Variants in CLEC16A observed in about 807,000 individuals in gnomAD.
CLEC16A encodes the protein C-type lectin domain containing 16A, also known as protein CLEC16A.
CLEC16A carries 51 observed loss-of-function variants against 109.5 expected under a neutral mutation model. The ratio of observed to expected loss-of-function variants is 0.47; its 90% CI spans 0.37 to 0.59. The LOEUF is 0.59. Ranked by LOEUF, CLEC16A falls within the 20% of genes least tolerant of loss-of-function variation. The probability of loss-of-function intolerance (pLI) is 0.00; values close to 1 mark genes in which losing one functional copy is unlikely to be tolerated. For missense variants in CLEC16A, 1,339 were observed against 1,394.0 expected, an observed-to-expected ratio of 0.96 and a Z score of 0.63; for synonymous variants, 673 against 564.2, an observed-to-expected ratio of 1.19 and a Z score of -2.73.
intron 19 of CLEC16A, among the ~76,000 whole-genome samples, chr16:11,062,766 G>T (rs1284855744): frequency 7.9e-5 from 12 of 152,026 alleles, no homozygotes; most frequent in Non-Finnish European, 1.5e-4. Context: ...AACTCCTTTG[G>T]CCCTTTTGCC....
chr16:11,059,648 C>A (rs534739798), intron 18 of CLEC16A, among the ~76,000 whole-genome samples: 92 of 152,258 alleles, frequency 6.0e-4, no homozygotes, highest in African/African-American at 2.2e-3. Flanking sequence ...CAGACTGCAG[C>A]CTTCAGAGCC....
intron 19 of CLEC16A, among the ~76,000 whole-genome samples, chr16:11,067,151 TG>T (rs1260150396): frequency 7.5e-6 from 1 of 133,966 alleles, no homozygotes; most frequent in Non-Finnish European, 1.6e-5. Flanking sequence ...GTTGTTGTTG[TG>T]GGGGTTTTTT....
rs559226349 is a variant in CLEC16A, at chr16:11,062,444, C to T, written c.2116+1422C>T. ...GACAGGACCCCCACAGCCTCCGTTTCGTCTCCTGTAAAACGAGATGGTCTT... is the reference window on the plus strand; with the variant it reads ...GACAGGACCCCCACAGCCTCCGTTTTGTCTCCTGTAAAACGAGATGGTCTT... On this transcript the variant is annotated intron_variant, in intron 19 of 23. Coordinates refer to ENST00000409790, the MANE Select transcript of CLEC16A (RefSeq NM_015226.3). Among the ~76,000 whole-genome samples the T allele has an allele frequency of 2.1e-4, 32 of 152,292 alleles. No homozygotes were observed. In the South Asian group the frequency reaches 6.4e-3, roughly 31 times the overall value.
chr16:11,130,549 C>T (rs76424895), intron 22 of CLEC16A, among the ~76,000 whole-genome samples: 2 of 152,228 alleles, frequency 1.3e-5, no homozygotes, highest in African/African-American at 2.4e-5. Context: ...CAGAGTTTTA[C>T]AGAAGCCACA....
At chr16:11,004,402 C>G (rs2044864317) in intron 11 of CLEC16A, among the ~76,000 whole-genome samples, 1 of 152,136 alleles carries the variant, frequency 6.6e-6, no homozygotes, top group Non-Finnish European at 1.5e-5. Flanking sequence ...TCTGGCCACA[C>G]TTTCTGGAAT....
intron 13 of CLEC16A, among the ~76,000 whole-genome samples, chr16:11,036,820 A>G (rs2047051870): frequency 1.3e-5 from 2 of 152,206 alleles, no homozygotes; most frequent in Non-Finnish European, 2.9e-5. Flanking sequence ...AAGTGCTGGT[A>G]TTAAAAACAT....
intron 11 of CLEC16A, among the ~76,000 whole-genome samples, chr16:11,019,213 C>T (rs925061583): frequency 9.9e-5 from 15 of 152,162 alleles, no homozygotes; most frequent in African/African-American, 1.9e-4. Context: ...TGAAAGTCCA[C>T]GCCCGCACAG....
At chr16:11,048,761 G>A (rs974062106) in intron 17 of CLEC16A, among the ~76,000 whole-genome samples, 3 of 152,106 alleles carry the variant, frequency 2.0e-5, no homozygotes, top group African/African-American at 7.2e-5. Context: ...CTTCGAGAGA[G>A]GCTCAGTCTT....
chr16:11,098,506 A>G (rs1278527038), intron 19 of CLEC16A, among the ~76,000 whole-genome samples: 3 of 152,152 alleles, frequency 2.0e-5, no homozygotes, highest in Admixed American at 6.5e-5. Context: ...GCTTCCTAAG[A>G]GCTGAGCGTG....
intron 19 of CLEC16A, among the ~76,000 whole-genome samples, chr16:11,076,168 C>A (rs1400779387): frequency 6.6e-6 from 1 of 152,176 alleles, no homozygotes; most frequent in African/African-American, 2.4e-5. Flanking sequence ...GACGTCAGAC[C>A]CTTCAGTGGT....
intron 1 of CLEC16A, among the ~76,000 whole-genome samples, chr16:10,947,986 C>G (rs1047828093): frequency 2.6e-5 from 4 of 152,080 alleles, no homozygotes; most frequent in African/African-American, 9.7e-5. Flanking sequence ...CTCCGCCTCC[C>G]GGGTTCACGC....
At chr16:10,983,047 A>G in intron 10 of CLEC16A, 56 bp downstream of exon 10, 1 of 973,434 alleles carries the variant, frequency 1.0e-6, no homozygotes, top group Admixed American at 1.8e-5. Flanking sequence ...CATTTTGCTA[A>G]TCTGTGTGTT....
At chr16:11,053,938 C>T (rs1182076953) in intron 18 of CLEC16A, among the ~76,000 whole-genome samples, 2 of 152,316 alleles carry the variant, frequency 1.3e-5, no homozygotes, top group Middle Eastern at 3.4e-3. Flanking sequence ...GGTCATGTGG[C>T]TCAGGCCATT....
intron 13 of CLEC16A, chr16:11,027,069 C>T: frequency 6.4e-7 from 1 of 1,553,628 alleles, no homozygotes; most frequent in South Asian, 1.1e-5. Flanking sequence ...TCCAGAAAAT[C>T]TCCTGAAAAA....
chr16:11,000,266 C>G (rs930457051), intron 10 of CLEC16A, among the ~76,000 whole-genome samples: 19 of 152,220 alleles, frequency 1.2e-4, no homozygotes, highest in African/African-American at 4.6e-4. Context: ...CTCTGGCCAG[C>G]CCCAGGCGCT....
chr16:10,980,316 C>G (rs1039472368), intron 9 of CLEC16A, among the ~76,000 whole-genome samples: 1 of 152,124 alleles, frequency 6.6e-6, no homozygotes, highest in Admixed American at 6.5e-5. Flanking sequence ...GAGCTCTGCA[C>G]GAGGCCAAGT....
At chr16:10,985,126 C>G (rs2043551194) in intron 10 of CLEC16A, among the ~76,000 whole-genome samples, 1 of 150,010 alleles carries the variant, frequency 6.7e-6, no homozygotes, top group East Asian at 2.0e-4. Context: ...TGGCGTGAAC[C>G]CAGGAGGCGG....
chr16:11,177,780 T>TGAG (rs976442784), intron 23 of CLEC16A, among the ~76,000 whole-genome samples: 17 of 151,434 alleles, frequency 1.1e-4, no homozygotes, highest in African/African-American at 2.9e-4. Flanking sequence ...CTCAGCACTT[T>TGAG]GAGGAGGAGG....
chr16:11,157,774 G>C (rs1597595348), intron 22 of CLEC16A, among the ~76,000 whole-genome samples: 1 of 152,172 alleles, frequency 6.6e-6, no homozygotes, highest in Non-Finnish European at 1.5e-5. Flanking sequence ...CCCCCAACAC[G>C]TGCTCTTTGA....
Sources: allele counts gnomAD v4.1 joint callset (sites outside exome capture counted in the v4.1 genomes callset), GRCh38; gene constraint gnomAD v4.1.1; transcripts MANE v1.5; gene names NCBI Gene and HGNC (gene_info 2026-07-23, HGNC 2026-07-21).